DCC: variants seen among roughly 807,000 people sequenced by gnomAD.
DCC encodes netrin receptor DCC.
In DCC, 58 loss-of-function variants were observed where a neutral mutation model predicts 172.5. That is an observed-to-expected ratio of 0.34 (90% CI 0.27 to 0.42). The LOEUF (loss-of-function observed/expected upper bound fraction) is 0.42. DCC is among the 10% of genes least tolerant of loss of function. The probability of loss-of-function intolerance (pLI) is 1.00; values close to 1 mark genes in which losing one functional copy is unlikely to be tolerated. For synonymous variants in DCC, 709 were observed against 644.5 expected (o/e 1.10, Z -1.52); for missense variants, 1,740 against 1,791.0 (o/e 0.97, Z 0.51).
chr18:53,209,048 C>T (rs62100765), intron 11 of DCC, among the ~76,000 whole-genome samples: 44,377 of 152,138 alleles, frequency 0.29, 7,998 homozygotes, highest in Non-Finnish European at 0.41. Flanking sequence ...ATTTTCCTGC[C>T]GAAGCCTCCC....
At chr18:52,530,570 G>A (rs557992467) in intron 1 of DCC, among the ~76,000 whole-genome samples, 1 of 152,196 alleles carries the variant, frequency 6.6e-6, no homozygotes, top group Non-Finnish European at 1.5e-5. Flanking sequence ...GAGGTGCTTG[G>A]TAGGTAAAAC....
At chr18:52,827,755 CT>C (rs2038537839) in intron 2 of DCC, among the ~76,000 whole-genome samples, 1 of 152,136 alleles carries the variant, frequency 6.6e-6, no homozygotes, top group Non-Finnish European at 1.5e-5. Context: ...TTCATTTAGT[CT>C]TTATGTGACT....
At chr18:53,428,881 A>T (rs1201673043) in intron 21 of DCC, among the ~76,000 whole-genome samples, 2 of 54,446 alleles carry the variant, frequency 3.7e-5, no homozygotes, top group African/African-American at 1.4e-4. Context: ...ATATATAATA[A>T]ATTATATATT....
intron 2 of DCC, among the ~76,000 whole-genome samples, chr18:52,837,767 A>G (rs12957268): frequency 0.47 from 70,784 of 152,042 alleles, 16,732 homozygotes; most frequent in South Asian, 0.55. Flanking sequence ...CTTATTTATG[A>G]TACCAATTTA....
intron 5 of DCC, among the ~76,000 whole-genome samples, chr18:52,929,529 A>T (rs1017574628): frequency 6.6e-6 from 1 of 152,152 alleles, no homozygotes; most frequent in Non-Finnish European, 1.5e-5. Context: ...GGAAGAAAGG[A>T]ATACAAGCTG....
intron 21 of DCC, among the ~76,000 whole-genome samples, chr18:53,429,269 T>C: frequency 1.9e-5 from 1 of 53,524 alleles, no homozygotes; most frequent in Non-Finnish European, 7.0e-5. Flanking sequence ...AGATGGTCTC[T>C]GCAAGAGACC....
At chr18:53,334,422 TA>T (rs952991614) in intron 14 of DCC, among the ~76,000 whole-genome samples, 1 of 152,156 alleles carries the variant, frequency 6.6e-6, no homozygotes, top group African/African-American at 2.4e-5. Context: ...TATGGAAAAA[TA>T]GACAAAACCT....
intron 1 of DCC, among the ~76,000 whole-genome samples, chr18:52,486,444 T>TA (rs1424293101): frequency 3.9e-5 from 6 of 152,256 alleles, no homozygotes; most frequent in African/African-American, 1.4e-4. Flanking sequence ...TTTCACAAAA[T>TA]AGAAAGCAGC....
chr18:53,119,062 G>A (rs1427607672), intron 7 of DCC, among the ~76,000 whole-genome samples: 4 of 151,754 alleles, frequency 2.6e-5, no homozygotes, highest in Admixed American at 2.0e-4. Context: ...TTATTCCAGT[G>A]TATTATTTTT....
chr18:52,759,995 A>G (rs1247860637), intron 2 of DCC, among the ~76,000 whole-genome samples: 1 of 152,214 alleles, frequency 6.6e-6, no homozygotes, highest in Non-Finnish European at 1.5e-5. Flanking sequence ...GAACTTGAGT[A>G]AGGTCTGATT....
chr18:52,342,332 C>A (rs567386551), intron 1 of DCC, among the ~76,000 whole-genome samples: 4 of 151,918 alleles, frequency 2.6e-5, no homozygotes, highest in African/African-American at 9.7e-5. Context: ...GAGCGCGTAC[C>A]CGCATCCCCG....
rs144225130 is a variant in DCC at position 53,135,926 on chromosome 18, T to C, written c.1262-21430T>C. On this transcript the variant is annotated intron_variant, in intron 7 of 28. Coordinates refer to ENST00000442544, the MANE Select transcript of DCC (RefSeq NM_005215.4). ...CAGAGCCATAGCAAGCAACTTCTATTGATGAAATAGAAAAGCTATGCATGG... is the reference window on the plus strand; with the variant it reads ...CAGAGCCATAGCAAGCAACTTCTATCGATGAAATAGAAAAGCTATGCATGG... Among the ~76,000 whole-genome samples the C allele has an allele frequency of 3.7e-3, 558 of 152,298 alleles. 2 individuals carry two copies. Among genetic ancestry groups the C allele is most frequent in the African/African-American group, 0.012 (493 of 41,562 alleles).
intron 5 of DCC, among the ~76,000 whole-genome samples, chr18:52,966,957 C>A (rs910173894): frequency 2.6e-5 from 4 of 152,180 alleles, no homozygotes; most frequent in Non-Finnish European, 5.9e-5. Context: ...ATTTGAACGT[C>A]TTTGGAGCCC....
intron 1 of DCC, among the ~76,000 whole-genome samples, chr18:52,674,637 C>A (rs139072472): frequency 2.0e-5 from 3 of 152,204 alleles, no homozygotes; most frequent in Non-Finnish European, 2.9e-5. Context: ...CTCTAAGAAG[C>A]CTTCATGTAA....
chr18:53,066,025 C>A (rs114365996), intron 6 of DCC, 21 bp from the exon 7 acceptor site: 7 of 1,611,776 alleles, frequency 4.3e-6, no homozygotes, highest in Non-Finnish European at 5.9e-6. Context: ...AAATACTTTA[C>A]CTGCTTTTTC....
At chr18:53,504,465 G>A (rs2046144422) in intron 27 of DCC, among the ~76,000 whole-genome samples, 1 of 152,130 alleles carries the variant, frequency 6.6e-6, no homozygotes, top group Admixed American at 6.5e-5. Context: ...ATGCTATAGT[G>A]GAAAATTACA....
intron 1 of DCC, among the ~76,000 whole-genome samples, chr18:52,581,432 T>A (rs2033548303): frequency 6.6e-6 from 1 of 152,208 alleles, no homozygotes; most frequent in South Asian, 2.1e-4. Flanking sequence ...AAGAGATTAT[T>A]ATATTTATTT....
At chr18:52,910,706 GGCCTATA>G (rs1455255068) in intron 3 of DCC, among the ~76,000 whole-genome samples, 1 of 152,010 alleles carries the variant, frequency 6.6e-6, no homozygotes, top group Non-Finnish European at 1.5e-5. Context: ...TACAATTACT[GGCCTATA>G]CAATGGAATT....
chr18:53,142,192 C>A (rs923002083), intron 7 of DCC, among the ~76,000 whole-genome samples: 1 of 152,218 alleles, frequency 6.6e-6, no homozygotes, highest in Non-Finnish European at 1.5e-5. Context: ...GACACACAGG[C>A]TGACTGGTGC....
Sources: allele counts gnomAD v4.1 joint callset (sites outside exome capture counted in the v4.1 genomes callset), GRCh38; gene constraint gnomAD v4.1.1; transcripts MANE v1.5; gene names NCBI Gene and HGNC (gene_info 2026-07-23, HGNC 2026-07-21).